DPP10: variants seen among roughly 807,000 people sequenced by gnomAD.
DPP10 encodes the protein dipeptidyl peptidase like 10.
A neutral mutation model predicts 120.9 loss-of-function variants in DPP10; 33 were observed. The ratio of observed to expected loss-of-function variants is 0.27; its 90% confidence interval spans 0.21 to 0.37. The LOEUF (loss-of-function observed/expected upper bound fraction) is 0.37, where lower values mean the gene tolerates loss of function less well. Ranked by LOEUF, DPP10 falls within the 10% of genes least tolerant of loss-of-function variation. The pLI, the probability that DPP10 is intolerant of heterozygous loss-of-function variation, is 1.00. For missense variants in DPP10, 816 were observed against 942.8 expected (o/e 0.87, Z 1.76); for synonymous variants, 337 against 326.1 (o/e 1.03, Z -0.36).
chr2:114,508,511 T>C (rs1558826238), intron 1 of DPP10, among the ~76,000 whole-genome samples: 1 of 152,216 alleles, frequency 6.6e-6, no homozygotes, highest in Non-Finnish European at 1.5e-5. Flanking sequence ...ATTTGGGTTG[T>C]TTTAATTTTT....
At chr2:114,720,847 T>C (rs1701659791) in intron 1 of DPP10, among the ~76,000 whole-genome samples, 1 of 152,322 alleles carries the variant, frequency 6.6e-6, no homozygotes, top group South Asian at 2.1e-4. Context: ...ATAACTGGCC[T>C]GGCAACCCAT....
At chr2:115,297,463 C>T (rs1019791634) in intron 1 of DPP10, among the ~76,000 whole-genome samples, 6 of 151,914 alleles carry the variant, frequency 3.9e-5, no homozygotes, top group Non-Finnish European at 8.8e-5. Context: ...TATTGAGAAT[C>T]AATATTTGAC....
At chr2:115,458,940 A>C (rs962402681) in intron 3 of DPP10, among the ~76,000 whole-genome samples, 4 of 152,154 alleles carry the variant, frequency 2.6e-5, no homozygotes, top group African/African-American at 9.7e-5. Context: ...TATTAACCTA[A>C]TTAAGGCACA....
intron 1 of DPP10, among the ~76,000 whole-genome samples, chr2:114,861,507 T>C (rs1405193964): frequency 6.6e-6 from 1 of 152,218 alleles, no homozygotes; most frequent in Non-Finnish European, 1.5e-5. Flanking sequence ...AAAATATTAT[T>C]ATAGTGGTAT....
intron 1 of DPP10, among the ~76,000 whole-genome samples, chr2:115,060,195 A>G (rs1252683876): frequency 6.7e-6 from 1 of 149,302 alleles, no homozygotes; most frequent in African/African-American, 2.4e-5. Context: ...TAGGTGATAA[A>G]GAAATTTATA....
intron 1 of DPP10, among the ~76,000 whole-genome samples, chr2:115,181,760 G>A (rs563989509): frequency 9.8e-5 from 15 of 152,298 alleles, no homozygotes; most frequent in African/African-American, 3.6e-4. Flanking sequence ...GGTAAGGACT[G>A]TGCAGTCATC....
At chr2:115,821,143 C>A (rs1687778361) in intron 21 of DPP10, among the ~76,000 whole-genome samples, 1 of 152,028 alleles carries the variant, frequency 6.6e-6, no homozygotes, top group Non-Finnish European at 1.5e-5. Context: ...CAAACATATC[C>A]ATTTTGATGT....
intron 1 of DPP10, among the ~76,000 whole-genome samples, chr2:115,220,368 C>T (rs993047901): frequency 2.7e-5 from 4 of 150,386 alleles, no homozygotes; most frequent in Admixed American, 6.7e-5. Flanking sequence ...TCGTGTAGAT[C>T]TTCCGTGTGA....
chr2:115,834,006 G>A (rs1350582538), intron 21 of DPP10, among the ~76,000 whole-genome samples: 1 of 152,050 alleles, frequency 6.6e-6, no homozygotes, highest in South Asian at 2.1e-4. Context: ...AGATTTTGCT[G>A]GCCTAAGACT....
At position 115,303,570 on chromosome 2, in the gene DPP10, A is replaced by G. The variant is rs540355575; in HGVS notation, c.61-5669A>G. ...TTTATAGGATGTTGATTGAATGTGCATAGTGAATGTTTTATATCAATATAA... is the reference window on the plus strand; with the variant it reads ...TTTATAGGATGTTGATTGAATGTGCGTAGTGAATGTTTTATATCAATATAA... On this transcript the variant is annotated intron_variant, in intron 1 of 25. Coordinates refer to ENST00000410059, the MANE Select transcript of DPP10 (RefSeq NM_020868.6). 7.2e-5 allele frequency among the ~76,000 whole-genome samples: 11 copies of G among 152,108 alleles called. No individual in the cohort carries two copies. The South Asian group carries it at 2.1e-3, about 29-fold the overall frequency.
rs145553167 is a variant in DPP10, at chr2:114,615,898, A to G, written c.60+173060A>G. ...TAAAGAATACAGAGTTTGCCATTAC[A>G]TTGGTGCTCATTATCTGATAAGGTG... is the stretch of plus-strand genomic sequence containing the variant. On this transcript the variant is annotated intron_variant, in intron 1 of 25. Transcript: ENST00000410059. Among the ~76,000 whole-genome samples the G allele has an allele frequency of 4.0e-3, 605 of 152,254 alleles. 5 individuals are homozygous for G. The highest frequency in any genetic ancestry group is 0.014 in the African/African-American group (583 of 41,556).
intron 5 of DPP10, among the ~76,000 whole-genome samples, chr2:115,683,714 C>T (rs568894343): frequency 2.6e-5 from 4 of 151,962 alleles, no homozygotes; most frequent in African/African-American, 7.2e-5. Context: ...ATTTTATATT[C>T]GTAATCTTCA....
At chr2:115,687,831 G>C (rs1271527675) in intron 5 of DPP10, among the ~76,000 whole-genome samples, 2 of 152,054 alleles carry the variant, frequency 1.3e-5, no homozygotes, top group Non-Finnish European at 2.9e-5. Context: ...CTCAGTGTCT[G>C]CTTTGCCTAA....
Position 114,602,002 on chromosome 2 carries a change from C to T in DPP10, c.60+159164C>T, listed in dbSNP as rs562145314. On this transcript the variant is annotated intron_variant, in intron 1 of 25. Transcript: ENST00000410059. ...GAAAATCAATAGCAATAATACATAC[C>T]TATGGAAACAGAATGGGCTATATTT... 5.9e-5 allele frequency among the ~76,000 whole-genome samples: 9 copies of T among 151,824 alleles called. No homozygotes were observed. In the East Asian group the frequency reaches 1.7e-3, roughly 29 times the overall value.
At chr2:115,423,180 T>G (rs1004839652) in intron 3 of DPP10, among the ~76,000 whole-genome samples, 3 of 152,132 alleles carry the variant, frequency 2.0e-5, no homozygotes, top group African/African-American at 7.2e-5. Context: ...ATATAAATGT[T>G]AACTTTTCAT....
At chr2:115,051,569 AG>A (rs1219076520) in intron 1 of DPP10, among the ~76,000 whole-genome samples, 1 of 152,210 alleles carries the variant, frequency 6.6e-6, no homozygotes, top group African/African-American at 2.4e-5. Context: ...GCATTATAAA[AG>A]TATTATGTAA....
intron 11 of DPP10, among the ~76,000 whole-genome samples, chr2:115,757,401 G>A (rs1252985355): frequency 6.6e-6 from 1 of 152,034 alleles, no homozygotes; most frequent in East Asian, 1.9e-4. Flanking sequence ...CACAATCATG[G>A]CAGAAGGCAG....
chr2:115,369,772 A>G (rs558133084), intron 3 of DPP10, among the ~76,000 whole-genome samples: 5 of 152,122 alleles, frequency 3.3e-5, no homozygotes, highest in Admixed American at 6.6e-5. Flanking sequence ...TTCACAGTAC[A>G]GATGTGGCCA....
intron 1 of DPP10, among the ~76,000 whole-genome samples, chr2:115,199,661 G>A (rs1308108436): frequency 6.6e-6 from 1 of 151,962 alleles, no homozygotes; most frequent in African/African-American, 2.4e-5. Flanking sequence ...AGACTAAAAA[G>A]TTACATTACT....
Sources: allele counts gnomAD v4.1 joint callset (sites outside exome capture counted in the v4.1 genomes callset), GRCh38; gene constraint gnomAD v4.1.1; transcripts MANE v1.5; gene names NCBI Gene and HGNC (gene_info 2026-07-23, HGNC 2026-07-21).